Variants in NAGK observed in about 807,000 individuals in gnomAD.
NAGK encodes N-acetylglucosamine kinase, also known as N-acetyl-D-glucosamine kinase.
NAGK carries 35 observed loss-of-function variants against 42.9 expected under a neutral mutation model. The ratio of observed to expected loss-of-function variants is 0.82; its 90% CI spans 0.62 to 1.08. NAGK has a LOEUF of 1.08. Ranked by LOEUF, NAGK falls within the 50% of genes least tolerant of loss-of-function variation. NAGK has a pLI of 0.00. For missense variants in NAGK, 446 were observed against 446.0 expected (o/e 1.00, Z 0.00); for synonymous variants, 172 against 176.0 (o/e 0.98, Z 0.18).
rs969266275 is a variant in NAGK, at chr2:71,075,485, C to T, written c.580-70C>T. On this transcript the variant is annotated intron_variant, in intron 6 of 9. Coordinates refer to ENST00000244204, the MANE Select transcript of NAGK (RefSeq NM_017567.6). The stretch of plus-strand genomic sequence containing the variant: ...CCAACAGTAGAGACATTAGGAAGGC[C>T]AACTTTGGTGGGCAGATTGGGGATT... 4 of 1,280,442 alleles carry T rather than the reference C, an allele frequency of 3.1e-6. No individual in the cohort carries two copies. In the African/African-American group the frequency reaches 5.9e-5, roughly 19 times the overall value. The allele number at this position is 1,280,442 out of a possible 1,614,324, so 79.3% of individuals were successfully genotyped here.
At chr2:71,068,608 C>T (rs1164574021), upstream of NAGK, 2 of 1,525,020 alleles carry the variant, frequency 1.3e-6, no homozygotes, top group Non-Finnish European at 1.8e-6. Flanking sequence ...GGGCGGTGCC[C>T]AGACAGCTGG....
chr2:71,075,594 G>A lies in NAGK; in HGVS notation c.619G>A (p.Asp207Asn), dbSNP rs776823159. 2 of 1,614,086 alleles carry A rather than the reference G, an allele frequency of 1.2e-6. No individual in the cohort carries two copies. Among genetic ancestry groups the A allele is most frequent in the Non-Finnish European group, 1.7e-6 (2 of 1,179,970 alleles). The change falls in exon 7 of 10, where the codon GAC becomes AAC. Residue 207 changes from aspartate (D) to asparagine (N), a missense_variant. By Grantham distance (23) the Asp-to-Asn change is conservative. Coordinates refer to ENST00000244204, the MANE Select transcript of NAGK (RefSeq NM_017567.6). ...AGGGATACTCACTCACCTGTATAGGGACTTTGATAAATGCAGGTTTGCTGG... is the reference window on the plus strand; with the variant it reads ...AGGGATACTCACTCACCTGTATAGGAACTTTGATAAATGCAGGTTTGCTGG... ...RLGILTHLYR[D>N]FDKCRFAGFC...
chr2:71,078,056 G>A (rs1037451895), intron 9 of NAGK, among the ~76,000 whole-genome samples: 8 of 152,216 alleles, frequency 5.3e-5, no homozygotes, highest in Non-Finnish European at 1.0e-4. Context: ...ACATTCTGAA[G>A]TAGCTCAAGG....
At chr2:71,077,672 G>A (rs1672267335) in intron 9 of NAGK, 36 bp downstream of exon 9, 1 of 1,576,690 alleles carries the variant, frequency 6.3e-7, no homozygotes, top group African/African-American at 1.4e-5. Context: ...GCAAGGGCAG[G>A]GGACGGGGCT....
Position 71,071,766 on chromosome 2 carries a change from G to T in NAGK, c.294G>T (p.Leu98=). ...AGCTGAGGGACCGATTTCCCTACCT[G>T]AGTGAAAGCTACTTAATCACCACCG... is the stretch of plus-strand genomic sequence containing the variant. ...IEELRDRFPY[L]SESYLITTDA... The change falls in exon 4 of 10, where the codon CTG becomes CTT. Residue 98 remains leucine (L), a synonymous_variant. Coordinates refer to ENST00000244204, the MANE Select transcript of NAGK (RefSeq NM_017567.6). The T allele has an allele frequency of 6.2e-7, 1 of 1,614,212 alleles. No homozygotes were observed. The highest frequency in any genetic ancestry group is 8.5e-7 in the Non-Finnish European group (1 of 1,180,036).
intron 6 of NAGK, among the ~76,000 whole-genome samples, chr2:71,074,369 A>G (rs966132079): frequency 2.6e-5 from 4 of 152,126 alleles, no homozygotes; most frequent in Non-Finnish European, 5.9e-5. Flanking sequence ...AAGGTGAGGA[A>G]TAGGAGGGGA....
At chr2:71,072,503 G>A (rs1672053515) in intron 4 of NAGK, 138 bp from the exon 5 acceptor site, 2 of 651,186 alleles carry the variant, frequency 3.1e-6, no homozygotes, top group Non-Finnish European at 5.3e-6. Flanking sequence ...AAACTAGCTG[G>A]GCTCAGTTTT....
chr2:71,078,662 CAT>C lies in NAGK; in HGVS notation c.*155_*156del, dbSNP rs555431685. On this transcript the variant is annotated 3_prime_UTR_variant, in exon 10 of 10. Transcript: ENST00000244204. Reference sequence around the variant, plus strand: ...CCCAATTGGACTGCATTATCAAACACATGTGCTATGTACATCCTCAGTGCACC... The same window carrying C: ...CCCAATTGGACTGCATTATCAAACACGTGCTATGTACATCCTCAGTGCACC... The C allele has an allele frequency of 1.8e-3, 1,639 of 916,230 alleles. 2 individuals carry two copies. Among genetic ancestry groups the C allele is most frequent in the Non-Finnish European group, 2.4e-3 (1,505 of 626,500 alleles). 56.8% of individuals were successfully genotyped at this position (916,230 alleles called of 1,614,324 possible). A position where few individuals can be genotyped will look rare whatever the true frequency, so the allele number is the denominator to read the frequency against.
intron 4 of NAGK, chr2:71,072,432 T>G (rs1317909763): frequency 2.3e-5 from 12 of 530,538 alleles, no homozygotes; most frequent in Non-Finnish European, 4.1e-5. Context: ...TTTGTCCCCC[T>G]AGACGAGGGC....
chr2:71,071,700 C>T lies in NAGK; in HGVS notation c.228C>T (p.Ser76=), dbSNP rs767605324. Residue 76 remains serine, a synonymous_variant, in exon 4 of 10, where the codon AGC becomes AGT. Transcript: ENST00000244204. ...VPLRSLGLSL[S]GGDQEDAGRI... is the part of the protein sequence containing the mutation. Reference sequence around the variant, plus strand: ...GCGTGGCCTAGGGCCTATCTCTGAGCGGTGGGGACCAGGAGGACGCGGGGA... The same window carrying T: ...GCGTGGCCTAGGGCCTATCTCTGAGTGGTGGGGACCAGGAGGACGCGGGGA... The T allele has an allele frequency of 1.2e-5, 20 of 1,613,218 alleles. No individual in the cohort carries two copies. The Admixed American group carries it at 2.0e-4, about 16-fold the overall frequency.
chr2:71,073,345 C>T, intron 5 of NAGK, 137 bp from the exon 6 acceptor site: 1 of 562,522 alleles, frequency 1.8e-6, no homozygotes, highest in Non-Finnish European at 3.3e-6. Flanking sequence ...CCACCCCCTG[C>T]CACCCCTGGC....
chr2:71,071,618 G>C (rs1203164370), intron 3 of NAGK, 68 bp from the exon 4 acceptor site: 7 of 1,522,560 alleles, frequency 4.6e-6, no homozygotes, highest in Non-Finnish European at 5.3e-6. Flanking sequence ...GCATCAGGAG[G>C]GGGCGGGGGT....
chr2:71,068,832 C>A, intron 1 of NAGK, 120 bp downstream of exon 1: 3 of 1,399,592 alleles, frequency 2.1e-6, no homozygotes, highest in Non-Finnish European at 2.8e-6. Context: ...CGGGACCTTG[C>A]GGTGAAGAGG....
In NAGK at chr2:71,079,769, G is replaced by C. The variant is rs772906688; in HGVS notation, c.*1261G>C. On this transcript the variant is annotated 3_prime_UTR_variant, in exon 10 of 10. Coordinates refer to ENST00000244204, the MANE Select transcript of NAGK (RefSeq NM_017567.6). ...TGCACTCCAGCCTGGGCGACAGAGCGAGACTCTGCCTCAAAAAATAATAAA... is the reference window on the plus strand; with the variant it reads ...TGCACTCCAGCCTGGGCGACAGAGCCAGACTCTGCCTCAAAAAATAATAAA... The C allele has an allele frequency of 1.3e-5, 2 of 152,328 alleles. No homozygotes were observed. Among genetic ancestry groups the C allele is most frequent in the East Asian group, 3.9e-4 (2 of 5,176 alleles). The allele number at this position is 152,328 out of a possible 1,614,324, so 9.4% of individuals were successfully genotyped here.
chr2:71,068,706 T>C lies in NAGK; in HGVS notation c.23T>C (p.Val8Ala), dbSNP rs1444994004. The change falls in exon 1 of 10, where the codon GTA (valine) becomes GCA (alanine). Residue 8 changes from valine (V) to alanine (A), a missense_variant. By Grantham distance (64) the Val-to-Ala change is moderately conservative. Coordinates refer to ENST00000244204, the MANE Select transcript of NAGK (RefSeq NM_017567.6). ...AGCATGGCCGCGATCTATGGGGGTG[T>C]AGAGGGGTGAGTGCGGCCCGGCGGA... MAAIYGG[V>A]EGGGTRSEVL... 1.3e-6 allele frequency: 2 copies of C among 1,486,350 alleles called. No homozygotes were observed. Among genetic ancestry groups the C allele is most frequent in the Non-Finnish European group, 1.8e-6 (2 of 1,121,158 alleles). The allele number at this position is 1,486,350 out of a possible 1,614,324, so 92.1% of individuals were successfully genotyped here.
chr2:71,070,792 G>A lies in NAGK; in HGVS notation c.166G>A (p.Ala56Thr), dbSNP rs192172897. The change falls in exon 3 of 10, where the codon GCC (alanine) becomes ACC (threonine). Residue 56 changes from alanine (A) to threonine (T), a missense_variant. By Grantham distance (58) the Ala-to-Thr change is moderately conservative. Transcript: ENST00000244204. ...VERINEMVNRAKRKAGVDPLV... is the reference protein window; with the variant it reads ...VERINEMVNRTKRKAGVDPLV... ...GAGGATCAATGAGATGGTGAACAGG[G>A]CCAAACGGAAAGCAGGGGTGGATCC... 771 of 1,614,194 alleles carry A rather than the reference G, an allele frequency of 4.8e-4. 7 individuals carry two copies. The highest frequency in any genetic ancestry group is 4.4e-3 in the South Asian group (403 of 91,084).
At chr2:71,071,310 A>C in intron 3 of NAGK, 1 of 287,752 alleles carries the variant, frequency 3.5e-6, no homozygotes, top group Non-Finnish European at 6.6e-6. Flanking sequence ...AGCTCCAGCT[A>C]CTCCCTGGAC....
chr2:71,077,229 C>G (rs1249838095), intron 8 of NAGK, among the ~76,000 whole-genome samples: 2 of 152,040 alleles, frequency 1.3e-5, no homozygotes. Context: ...CCCAAAGTGC[C>G]GGGATTACAG....
intron 8 of NAGK, among the ~76,000 whole-genome samples, chr2:71,077,151 T>A (rs1229426489): frequency 1.3e-5 from 2 of 152,038 alleles, no homozygotes; most frequent in East Asian, 3.9e-4. Flanking sequence ...AATTTTTGTA[T>A]TTTTGGTTTT....
Sources: allele counts gnomAD v4.1 joint callset (sites outside exome capture counted in the v4.1 genomes callset), GRCh38; gene constraint gnomAD v4.1.1; transcripts MANE v1.5; gene names NCBI Gene and HGNC (gene_info 2026-07-23, HGNC 2026-07-21).